The following PDE1C variants were observed in gnomAD, a reference collection of about 807,000 sequenced individuals.
PDE1C encodes dual specificity calcium/calmodulin-dependent 3',5'-cyclic nucleotide phosphodiesterase 1C.
Under a neutral mutation model 93.1 loss-of-function variants are expected in PDE1C, and 62 were observed. The observed-to-expected ratio is 0.67, with a 90% CI of 0.54 to 0.82. The LOEUF is 0.82. Among genes scored for constraint, PDE1C ranks in the 40% least tolerant of loss-of-function variants. PDE1C has a pLI of 0.00. For missense variants in PDE1C, 742 were observed against 884.6 expected (o/e 0.84, Z 2.04); for synonymous variants, 325 against 310.1 (o/e 1.05, Z -0.50).
At chr7:32,023,466 G>A (rs763940786) in intron 2 of PDE1C, among the ~76,000 whole-genome samples, 2 of 151,830 alleles carry the variant, frequency 1.3e-5, no homozygotes, top group Non-Finnish European at 2.9e-5. Context: ...TTTTAACACA[G>A]GAACTTGTAC....
chr7:31,649,498 G>C, the PDE1C span, among the ~76,000 whole-genome samples: 1 of 152,172 alleles, frequency 6.6e-6, no homozygotes, highest in African/African-American at 2.4e-5. Flanking sequence ...GGAATGCTGG[G>C]AAATGTAATT....
At chr7:32,150,894 T>C (rs905050869) in intron 3 of PDE1C, among the ~76,000 whole-genome samples, 3 of 152,116 alleles carry the variant, frequency 2.0e-5, no homozygotes, top group African/African-American at 7.2e-5. Context: ...CCATGCAATG[T>C]AACTCTGAGT....
intron 2 of PDE1C, among the ~76,000 whole-genome samples, chr7:32,202,401 C>T (rs1291314221): frequency 1.3e-5 from 2 of 152,196 alleles, no homozygotes; most frequent in Non-Finnish European, 2.9e-5. Flanking sequence ...AATATTCCTC[C>T]GCTGGATGGG....
chr7:32,238,722 GA>G (rs1408365433), intron 1 of PDE1C, among the ~76,000 whole-genome samples: 1 of 152,140 alleles, frequency 6.6e-6, no homozygotes, highest in Non-Finnish European at 1.5e-5. Flanking sequence ...GAATGAAATA[GA>G]GTTCTAAAAT....
At chr7:31,890,702 T>C (rs970567961) in intron 2 of PDE1C, among the ~76,000 whole-genome samples, 4 of 152,216 alleles carry the variant, frequency 2.6e-5, no homozygotes, top group African/African-American at 4.8e-5. Context: ...CTTTTTTCTT[T>C]TATAATAACA....
At chr7:32,250,402 T>TG (rs955599926) in intron 1 of PDE1C, among the ~76,000 whole-genome samples, 13 of 152,304 alleles carry the variant, frequency 8.5e-5, no homozygotes, top group Middle Eastern at 3.4e-3. Flanking sequence ...CAGAATCACC[T>TG]GGGGAGGGAG....
At chr7:32,252,891 T>C (rs1809495307) in intron 1 of PDE1C, among the ~76,000 whole-genome samples, 1 of 152,258 alleles carries the variant, frequency 6.6e-6, no homozygotes. Context: ...AGTTTTTAAA[T>C]GCTTGACCTC....
chr7:32,394,402 G>A (rs1193330400), intron 1 of PDE1C, among the ~76,000 whole-genome samples: 1 of 152,212 alleles, frequency 6.6e-6, no homozygotes, highest in Non-Finnish European at 1.5e-5. Context: ...TGGAAGTGGG[G>A]CCTACTAGAA....
At chr7:31,643,517 T>C in the PDE1C span, 1 of 1,614,018 alleles carries the variant, frequency 6.2e-7, no homozygotes, top group Non-Finnish European at 8.5e-7. Context: ...TCCTCCAGCC[T>C]GGTGTCGGCT....
intron 17 of PDE1C, among the ~76,000 whole-genome samples, chr7:31,772,748 T>C (rs1795581067): frequency 6.6e-6 from 1 of 152,216 alleles, no homozygotes; most frequent in South Asian, 2.1e-4. Context: ...GATCTAATCA[T>C]GTAGGTGGTG....
At chr7:31,644,618 A>G in the PDE1C span, among the ~76,000 whole-genome samples, 1 of 152,318 alleles carries the variant, frequency 6.6e-6, no homozygotes, top group East Asian at 1.9e-4. Context: ...GGTGGACCCT[A>G]TAGTTACTGA....
chr7:31,985,121 C>T (rs1783198668), intron 2 of PDE1C, among the ~76,000 whole-genome samples: 1 of 152,106 alleles, frequency 6.6e-6, no homozygotes, highest in Admixed American at 6.6e-5. Context: ...TGAGTGCATA[C>T]CATGAAAGGT....
intron 1 of PDE1C, among the ~76,000 whole-genome samples, chr7:32,338,290 G>A (rs991954462): frequency 4.6e-5 from 7 of 152,010 alleles, no homozygotes; most frequent in Non-Finnish European, 7.4e-5. Flanking sequence ...AAAACAACCC[G>A]ATTTAAAAAA....
chr7:32,090,722 G>A (rs561800216), intron 3 of PDE1C, among the ~76,000 whole-genome samples: 14 of 152,118 alleles, frequency 9.2e-5, no homozygotes, highest in African/African-American at 2.9e-4. Flanking sequence ...TACAAACTTT[G>A]TCTCTACCTA....
intron 2 of PDE1C, among the ~76,000 whole-genome samples, chr7:31,915,147 TC>T (rs1485779335): frequency 1.3e-5 from 2 of 152,232 alleles, no homozygotes; most frequent in African/African-American, 4.8e-5. Context: ...AAGTATCTAA[TC>T]GCAAGTAAGC....
At chr7:32,081,280 A>C (rs1796647527) in intron 3 of PDE1C, among the ~76,000 whole-genome samples, 1 of 152,138 alleles carries the variant, frequency 6.6e-6, no homozygotes, top group African/African-American at 2.4e-5. Context: ...AAGTCAATTA[A>C]GACCATGTTA....
intron 3 of PDE1C, among the ~76,000 whole-genome samples, chr7:32,123,644 A>G (rs1799418334): frequency 6.6e-6 from 1 of 152,244 alleles, no homozygotes; most frequent in Admixed American, 6.5e-5. Context: ...GGCCTTCGAT[A>G]AAATTCAACA....
intron 3 of PDE1C, among the ~76,000 whole-genome samples, chr7:32,167,445 G>A (rs1191343699): frequency 6.6e-6 from 1 of 152,116 alleles, no homozygotes; most frequent in Non-Finnish European, 1.5e-5. Flanking sequence ...GCCACAGAGA[G>A]GAGTCATCAC....
At chr7:32,403,885 G>C (rs955032400) in intron 1 of PDE1C, among the ~76,000 whole-genome samples, 1 of 152,106 alleles carries the variant, frequency 6.6e-6, no homozygotes, top group African/African-American at 2.4e-5. Context: ...CTTTTTTCCA[G>C]TTCTTCTTTT....
Sources: gnomAD v4.1 joint callset for allele counts (sites outside exome capture counted in the v4.1 genomes callset) on GRCh38, gnomAD v4.1.1 for gene constraint, MANE v1.5 for transcripts, NCBI Gene and HGNC (gene_info 2026-07-23, HGNC 2026-07-21) for gene names.